The following PTPRT variants were observed in gnomAD, a reference collection of about 807,000 sequenced individuals.
PTPRT encodes protein tyrosine phosphatase receptor type T.
In PTPRT, 56 loss-of-function variants were observed where a neutral mutation model predicts 176.8. The observed-to-expected ratio is 0.32, with a 90% confidence interval of 0.26 to 0.40. The LOEUF (loss-of-function observed/expected upper bound fraction) is 0.40. PTPRT is among the 10% of genes least tolerant of loss of function. PTPRT has a pLI of 1.00. For missense variants in PTPRT, 1,540 were observed against 1,908.2 expected, an observed-to-expected ratio of 0.81 and a Z score of 3.60; for synonymous variants, 783 against 739.0, an observed-to-expected ratio of 1.06 and a Z score of -0.96.
intron 1 of PTPRT, among the ~76,000 whole-genome samples, chr20:43,059,625 G>A (rs1256623849): frequency 2.0e-5 from 3 of 152,130 alleles, no homozygotes; most frequent in Admixed American, 6.5e-5. Context: ...CTCTCAGGAG[G>A]TGGAGGCTTT....
chr20:42,612,069 G>T (rs2073984653), intron 7 of PTPRT, among the ~76,000 whole-genome samples: 1 of 152,100 alleles, frequency 6.6e-6, no homozygotes, highest in Non-Finnish European at 1.5e-5. Context: ...GCTGAATGAG[G>T]TCAGCACCTG....
the PTPRT span, among the ~76,000 whole-genome samples, chr20:42,059,810 C>T: frequency 6.6e-6 from 1 of 152,098 alleles, no homozygotes. Flanking sequence ...GGCTGGGGTC[C>T]TAGTCCCTGG....
At chr20:42,828,298 G>A (rs757921520) in intron 2 of PTPRT, among the ~76,000 whole-genome samples, 1 of 152,170 alleles carries the variant, frequency 6.6e-6, no homozygotes, top group Non-Finnish European at 1.5e-5. Flanking sequence ...ATGGAACTTT[G>A]AAACTGAGAG....
rs1471785024 is a variant in PTPRT, at chr20:42,202,380, C to T, written c.2343-2992G>A. 2.0e-5 allele frequency among the ~76,000 whole-genome samples: 3 copies of T among 152,114 alleles called. No homozygotes were observed. In the East Asian group the frequency reaches 5.8e-4, roughly 29 times the overall value. On this transcript the variant is annotated intron_variant, in intron 15 of 30. Transcript: ENST00000373187. The stretch of plus-strand genomic sequence containing the variant: ...TTAAGTTGGCTCGGGGAAAGAAAGG[C>T]ACTCAGGAAGAGGAATGCATCTTTT...
At chr20:42,260,198 A>G (rs2056724636) in intron 13 of PTPRT, among the ~76,000 whole-genome samples, 1 of 152,218 alleles carries the variant, frequency 6.6e-6, no homozygotes, top group Admixed American at 6.5e-5. Flanking sequence ...CACGTCATCC[A>G]TGGTGTGGGA....
At chr20:42,290,498 C>A (rs910611049) in intron 12 of PTPRT, among the ~76,000 whole-genome samples, 1 of 152,114 alleles carries the variant, frequency 6.6e-6, no homozygotes, top group Non-Finnish European at 1.5e-5. Context: ...GAAAAGGCCA[C>A]TTTGGTAGAA....
chr20:42,658,753 C>T (rs1004417181), intron 7 of PTPRT, among the ~76,000 whole-genome samples: 2 of 152,050 alleles, frequency 1.3e-5, no homozygotes, highest in Admixed American at 1.3e-4. Context: ...TATGTCTCCC[C>T]CATTAGTATT....
chr20:42,582,836 G>T (rs753261666), intron 7 of PTPRT, among the ~76,000 whole-genome samples: 1 of 152,130 alleles, frequency 6.6e-6, no homozygotes. Flanking sequence ...TTGAGCTACA[G>T]ATTTGAGCCC....
intron 15 of PTPRT, among the ~76,000 whole-genome samples, chr20:42,213,144 T>C (rs566160995): frequency 5.3e-5 from 8 of 152,282 alleles, no homozygotes; most frequent in African/African-American, 1.9e-4. Context: ...CAACGCAAGT[T>C]CACCGGCCCT....
intron 7 of PTPRT, among the ~76,000 whole-genome samples, chr20:42,542,987 C>T (rs1461532201): frequency 1.3e-5 from 2 of 152,154 alleles, no homozygotes; most frequent in Admixed American, 1.3e-4. Context: ...CTGAAAAATG[C>T]TAAGGATCAT....
chr20:42,762,929 C>T (rs1307948978), intron 5 of PTPRT, among the ~76,000 whole-genome samples: 1 of 152,148 alleles, frequency 6.6e-6, no homozygotes, highest in African/African-American at 2.4e-5. Context: ...TCCAACTTCC[C>T]TTGGCTTACT....
chr20:42,444,894 G>A (rs541983860), intron 9 of PTPRT, among the ~76,000 whole-genome samples: 2 of 152,160 alleles, frequency 1.3e-5, no homozygotes, highest in South Asian at 2.1e-4. Flanking sequence ...CTTGCTTACT[G>A]TCTGGGGCTG....
chr20:42,515,025 G>T (rs1405286217), intron 7 of PTPRT, among the ~76,000 whole-genome samples: 1 of 152,124 alleles, frequency 6.6e-6, no homozygotes. Context: ...GAACTCTCTT[G>T]TCAAGTTCCA....
At chr20:42,037,560 C>A in the PTPRT span, among the ~76,000 whole-genome samples, 3 of 152,170 alleles carry the variant, frequency 2.0e-5, no homozygotes, top group African/African-American at 7.2e-5. Flanking sequence ...AGGGGCTAGA[C>A]AAGGGCAGGA....
At chr20:43,132,238 T>C (rs558572488) in intron 1 of PTPRT, among the ~76,000 whole-genome samples, 70 of 152,162 alleles carry the variant, frequency 4.6e-4, no homozygotes, top group Non-Finnish European at 4.7e-4. Context: ...TAGATCCTTG[T>C]ATATTTGAAG....
chr20:42,791,366 G>C lies in PTPRT; in HGVS notation c.315C>G (p.Phe105Leu), dbSNP rs2145549288. The change falls in exon 3 of 31, where the codon TTC (phenylalanine) becomes TTG (leucine). Residue 105 changes from phenylalanine (F) to leucine (L), a missense_variant. Phe to Leu is a conservative substitution (Grantham distance 22). Around this residue, in one of 11 missense-constraint regions of PTPRT, gnomAD observed 273 missense variants for 432.1 expected, o/e 0.63. Coordinates refer to ENST00000373187, the MANE Select transcript of PTPRT (RefSeq NM_007050.6). ...TGTCACGGCTGGAGAAGTAGTAATG[G>C]AAGTCGATGCAGTGGGTGTCATTCT... ...LKENDTHCID[F>L]HYYFSSRDRS... The C allele has an allele frequency of 1.2e-6, 2 of 1,614,242 alleles. No individual in the cohort carries two copies. The highest frequency in any genetic ancestry group is 1.7e-6 in the Non-Finnish European group (2 of 1,180,048).
At chr20:42,645,764 ATGTGTGTGTGTGTGTGTG>A (rs59454108) in intron 7 of PTPRT, among the ~76,000 whole-genome samples, 1 of 139,480 alleles carries the variant, frequency 7.2e-6, no homozygotes, top group East Asian at 2.2e-4. Context: ...ATGTGTATTT[ATGTGTGTGTGTGTGTGTG>A]TGTGTGTGTG....
At chr20:42,919,582 T>G (rs764189155) in intron 1 of PTPRT, among the ~76,000 whole-genome samples, 7 of 152,176 alleles carry the variant, frequency 4.6e-5, no homozygotes, top group African/African-American at 7.2e-5. Context: ...ATAAAACATT[T>G]TGCAGCACAG....
At chr20:42,706,278 T>C (rs1406757305) in intron 6 of PTPRT, among the ~76,000 whole-genome samples, 1 of 151,840 alleles carries the variant, frequency 6.6e-6, no homozygotes, top group African/African-American at 2.4e-5. Context: ...TAGGCAGATG[T>C]TCTTGTAGCA....
Sources: gnomAD v4.1 joint callset for allele counts (sites outside exome capture counted in the v4.1 genomes callset) on GRCh38, gnomAD v4.1.1 for gene constraint, gnomAD v4.1.1 regional missense constraint, MANE v1.5 for transcripts, NCBI Gene and HGNC (gene_info 2026-07-23, HGNC 2026-07-21) for gene names.